The following ARHGAP39 variants were observed in gnomAD, a reference collection of about 807,000 sequenced individuals.
ARHGAP39 encodes the protein rho GTPase-activating protein 39.
Under a neutral mutation model 106.9 loss-of-function variants are expected in ARHGAP39, and 44 were observed. That is an observed-to-expected ratio of 0.41 (90% CI 0.32 to 0.53). The LOEUF (loss-of-function observed/expected upper bound fraction) is 0.53. Among genes scored for constraint, ARHGAP39 ranks in the 20% least tolerant of loss-of-function variants. The pLI, the probability that ARHGAP39 is intolerant of heterozygous loss-of-function variation, is 0.21. For synonymous variants in ARHGAP39, 768 were observed against 693.2 expected (o/e 1.11, Z -1.69); for missense variants, 1,496 against 1,577.3 (o/e 0.95, Z 0.87).
chr8:144,692,484 G>A, the ARHGAP39 span, among the ~76,000 whole-genome samples: 3 of 152,168 alleles, frequency 2.0e-5, no homozygotes, highest in African/African-American at 4.8e-5. Flanking sequence ...ACAGTGAAGC[G>A]ATTACTTGCT....
intron 1 of ARHGAP39, among the ~76,000 whole-genome samples, chr8:144,665,844 T>C (rs1324469214): frequency 6.6e-6 from 1 of 152,078 alleles, no homozygotes; most frequent in East Asian, 1.9e-4. Context: ...AAATGTGGGG[T>C]TGGAGTCCCT....
chr8:144,553,834 A>G (rs1314476684), intron 4 of ARHGAP39, among the ~76,000 whole-genome samples: 1 of 152,246 alleles, frequency 6.6e-6, no homozygotes, highest in African/African-American at 2.4e-5. Flanking sequence ...CGCCCAACGC[A>G]GCGGCAAGGC....
chr8:144,575,049 G>A (rs112331774), intron 3 of ARHGAP39, among the ~76,000 whole-genome samples: 14,073 of 152,224 alleles, frequency 0.092, 1,527 homozygotes, highest in African/African-American at 0.26. Flanking sequence ...AAATGCCATT[G>A]TAAGACAATG....
intron 1 of ARHGAP39, among the ~76,000 whole-genome samples, chr8:144,666,568 G>C (rs1489724315): frequency 5.9e-5 from 9 of 152,270 alleles, no homozygotes; most frequent in South Asian, 2.1e-4. Context: ...TAGTGAATAA[G>C]TCTCACGAGA....
At chr8:144,573,812 G>T (rs1293775374) in intron 3 of ARHGAP39, among the ~76,000 whole-genome samples, 1 of 152,094 alleles carries the variant, frequency 6.6e-6, no homozygotes, top group African/African-American at 2.4e-5. Flanking sequence ...AATCAAGAAC[G>T]AAAACGAAAA....
chr8:144,688,737 T>C (rs1313711924), upstream of ARHGAP39, among the ~76,000 whole-genome samples: 1 of 151,974 alleles, frequency 6.6e-6, no homozygotes, highest in African/African-American at 2.4e-5. Context: ...AGTAAAACAA[T>C]AATAAATAAA....
intron 3 of ARHGAP39, among the ~76,000 whole-genome samples, chr8:144,563,482 A>G (rs1449169115): frequency 1.3e-5 from 2 of 152,128 alleles, no homozygotes; most frequent in African/African-American, 4.8e-5. Flanking sequence ...AACCACTATT[A>G]AACACTGAAA....
intron 1 of ARHGAP39, among the ~76,000 whole-genome samples, chr8:144,608,254 A>C (rs1820370944): frequency 6.6e-6 from 1 of 152,098 alleles, no homozygotes; most frequent in East Asian, 1.9e-4. Context: ...ACCTGCTCGT[A>C]CAGCTTCAAT....
At chr8:144,673,127 G>A (rs1586650639) in intron 1 of ARHGAP39, among the ~76,000 whole-genome samples, 1 of 152,016 alleles carries the variant, frequency 6.6e-6, no homozygotes, top group African/African-American at 2.4e-5. Context: ...TGAGGCAGGA[G>A]GATCGCTTGA....
At chr8:144,633,489 A>T (rs915650339) in intron 1 of ARHGAP39, among the ~76,000 whole-genome samples, 1 of 152,194 alleles carries the variant, frequency 6.6e-6, no homozygotes, top group African/African-American at 2.4e-5. Flanking sequence ...AGAAAAGAAA[A>T]ATTGGAATGT....
chr8:144,561,957 A>G (rs1042376276), intron 3 of ARHGAP39, among the ~76,000 whole-genome samples: 4 of 146,702 alleles, frequency 2.7e-5, no homozygotes, highest in Non-Finnish European at 4.4e-5. Context: ...AGTGGTTTCC[A>G]TCGGACTCCA....
Position 144,530,200 on chromosome 8 carries a change from T to G in ARHGAP39, c.*222A>C. Reference sequence around the variant, plus strand: ...AGGCGGTGCCCGCGGGAACTGGCCGTGAGGTGGGGGGCCAGAGGCGCCCTC... The same window carrying G: ...AGGCGGTGCCCGCGGGAACTGGCCGGGAGGTGGGGGGCCAGAGGCGCCCTC... On this transcript the variant is annotated 3_prime_UTR_variant, in exon 12 of 12. Transcript: ENST00000377307. 2 of 543,082 alleles carry G rather than the reference T, an allele frequency of 3.7e-6. No individual in the cohort carries two copies. Among genetic ancestry groups the G allele is most frequent in the Non-Finnish European group, 3.2e-6 (1 of 309,590 alleles). The allele number at this position is 543,082 out of a possible 1,614,324, so 33.6% of individuals were successfully genotyped here.
upstream of ARHGAP39, among the ~76,000 whole-genome samples, chr8:144,686,033 C>A (rs1044165839): frequency 2.6e-5 from 4 of 151,974 alleles, no homozygotes; most frequent in Non-Finnish European, 4.4e-5. Flanking sequence ...CCGCCTGGCC[C>A]CGCCCCGTCG....
At chr8:144,658,521 C>T (rs998473957) in intron 1 of ARHGAP39, among the ~76,000 whole-genome samples, 1 of 152,242 alleles carries the variant, frequency 6.6e-6, no homozygotes, top group Admixed American at 6.5e-5. Context: ...GTGATCTGCT[C>T]GCCTCGGCCT....
chr8:144,589,160 G>A (rs1819297722), intron 2 of ARHGAP39, among the ~76,000 whole-genome samples: 2 of 152,174 alleles, frequency 1.3e-5, no homozygotes, highest in African/African-American at 2.4e-5. Flanking sequence ...CTGGTGCAGT[G>A]GACACAGAGG....
intron 2 of ARHGAP39, among the ~76,000 whole-genome samples, chr8:144,588,104 T>C (rs1819251447): frequency 6.6e-6 from 1 of 152,194 alleles, no homozygotes; most frequent in Non-Finnish European, 1.5e-5. Flanking sequence ...CCAGTGACGC[T>C]GCTGGCAGGG....
At chr8:144,623,108 C>A (rs1157859258) in intron 1 of ARHGAP39, among the ~76,000 whole-genome samples, 2 of 152,216 alleles carry the variant, frequency 1.3e-5, no homozygotes, top group Non-Finnish European at 2.9e-5. Flanking sequence ...GTTCCTGGAT[C>A]TTTGAATCGT....
rs572657025 is a variant in ARHGAP39 at position 144,602,166 on chromosome 8, G to C, written c.80+3369C>G. ...TCATGTACCTGTGTGTGTGTGCGTGGAGGCGTGTGTGCTCGTGTACCTGTG... is the reference window on the plus strand; with the variant it reads ...TCATGTACCTGTGTGTGTGTGCGTGCAGGCGTGTGTGCTCGTGTACCTGTG... On this transcript the variant is annotated intron_variant, in intron 2 of 11. Coordinates refer to ENST00000377307, the MANE Select transcript of ARHGAP39 (RefSeq NM_025251.3). Among the ~76,000 whole-genome samples the C allele has an allele frequency of 2.2e-5, 3 of 137,838 alleles. No individual in the cohort carries two copies. In the South Asian group the frequency reaches 7.1e-4, roughly 33 times the overall value. 90.4% of individuals were successfully genotyped at this position (137,838 alleles called of 152,430 possible). A position where few individuals can be genotyped will look rare whatever the true frequency, so the allele number is the denominator to read the frequency against.
intron 1 of ARHGAP39, among the ~76,000 whole-genome samples, chr8:144,663,361 T>A (rs576817382): frequency 6.6e-6 from 1 of 152,216 alleles, no homozygotes; most frequent in African/African-American, 2.4e-5. Flanking sequence ...CAGACAGGAA[T>A]GAGAGCTGGC....
Sources: allele counts gnomAD v4.1 joint callset (sites outside exome capture counted in the v4.1 genomes callset), GRCh38; gene constraint gnomAD v4.1.1; transcripts MANE v1.5; gene names NCBI Gene and HGNC (gene_info 2026-07-23, HGNC 2026-07-21).